The following KLKB1 variants were observed in gnomAD, a reference collection of about 807,000 sequenced individuals.
KLKB1 encodes the protein plasma kallikrein.
In KLKB1, 58 loss-of-function variants were observed where a neutral mutation model predicts 73.6. The ratio of observed to expected loss-of-function variants is 0.79; its 90% CI spans 0.64 to 0.98. The LOEUF (loss-of-function observed/expected upper bound fraction) is 0.98, where lower values mean the gene tolerates loss of function less well. Ranked by LOEUF, KLKB1 falls within the 50% of genes least tolerant of loss-of-function variation. KLKB1 has a pLI of 0.00. For synonymous variants in KLKB1, 280 were observed against 258.1 expected, an observed-to-expected ratio of 1.08 and a Z score of -0.81; for missense variants, 737 against 763.8, an observed-to-expected ratio of 0.96 and a Z score of 0.41.
intron 6 of KLKB1, among the ~76,000 whole-genome samples, chr4:186,241,706 T>G (rs1334765194): frequency 1.3e-5 from 2 of 152,344 alleles, no homozygotes; most frequent in South Asian, 2.1e-4. Flanking sequence ...TTTTTTATTT[T>G]TATCACCTCT....
At chr4:186,222,413 T>G (rs993409114), upstream of KLKB1, among the ~76,000 whole-genome samples, 1 of 152,210 alleles carries the variant, frequency 6.6e-6, no homozygotes, top group Non-Finnish European at 1.5e-5. Context: ...TTTCTCTTTA[T>G]GTTTTGTATA....
chr4:186,251,674 G>A, intron 9 of KLKB1, 25 bp downstream of exon 9: 1 of 1,611,684 alleles, frequency 6.2e-7, no homozygotes. Flanking sequence ...ATTTTTCAAA[G>A]ACAGTTGACA....
Position 186,252,102 on chromosome 4 carries a change from G to A in KLKB1, c.1230G>A (p.Val410=). 1 of 1,614,068 alleles carries A rather than the reference G, an allele frequency of 6.2e-7. No homozygotes were observed. The highest frequency in any genetic ancestry group is 8.5e-7 in the Non-Finnish European group (1 of 1,180,030). ...GGCCCTGGCAGGTGAGCCTGCAGGT[G>A]AAGCTGACAGCTCAGAGGCACCTGT... is the stretch of plus-strand genomic sequence containing the variant. ...GEWPWQVSLQ[V]KLTAQRHLCG... is the part of the protein sequence containing the mutation. Residue 410 remains valine, a synonymous_variant, in exon 11 of 15, where the codon GTG becomes GTA. Transcript: ENST00000264690.
intron 2 of KLKB1, among the ~76,000 whole-genome samples, chr4:186,216,854 T>C (rs1231418352): frequency 6.6e-6 from 1 of 152,206 alleles, no homozygotes; most frequent in Non-Finnish European, 1.5e-5. Flanking sequence ...AAAACTCTGC[T>C]TTTAATGGGC....
At chr4:186,230,017 G>A (rs576921667) in intron 2 of KLKB1, among the ~76,000 whole-genome samples, 13 of 152,142 alleles carry the variant, frequency 8.5e-5, no homozygotes, top group African/African-American at 2.9e-4. Flanking sequence ...GCTACTACGT[G>A]GAGCTTGAGA....
intron 5 of KLKB1, among the ~76,000 whole-genome samples, chr4:186,237,799 T>A (rs1421703859): frequency 6.6e-6 from 1 of 152,144 alleles, no homozygotes; most frequent in Non-Finnish European, 1.5e-5. Context: ...CTAAGCTATT[T>A]TTCAACGCCC....
intron 6 of KLKB1, among the ~76,000 whole-genome samples, chr4:186,240,765 C>A (rs1177417638): frequency 6.6e-6 from 1 of 152,156 alleles, no homozygotes; most frequent in Non-Finnish European, 1.5e-5. Flanking sequence ...GCCAGGTTCA[C>A]GTGTACTGGT....
At chr4:186,254,301 TAC>T (rs1314084183) in intron 11 of KLKB1, among the ~76,000 whole-genome samples, 1 of 152,248 alleles carries the variant, frequency 6.6e-6, no homozygotes, top group Non-Finnish European at 1.5e-5. Flanking sequence ...TTCTTCCCAC[TAC>T]AGTGTCTCTC....
intron 2 of KLKB1, among the ~76,000 whole-genome samples, chr4:186,218,360 A>T (rs953956380): frequency 6.6e-6 from 1 of 152,222 alleles, no homozygotes; most frequent in Non-Finnish European, 1.5e-5. Context: ...AATAAAAAAA[A>T]GTTCTGTTAG....
rs1739130994 is a variant in KLKB1, at chr4:186,258,326, A to G, written c.*114A>G. 1 of 951,068 alleles carries G rather than the reference A, an allele frequency of 1.1e-6. No individual in the cohort carries two copies. The highest frequency in any genetic ancestry group is 2.0e-5 in the Admixed American group (1 of 50,252). 58.9% of individuals were successfully genotyped at this position (951,068 alleles called of 1,614,324 possible). On this transcript the variant is annotated 3_prime_UTR_variant, in exon 15 of 15. Coordinates refer to ENST00000264690, the MANE Select transcript of KLKB1 (RefSeq NM_000892.5). ...GTGGCATCTTCTTTGCATCCTAAGG[A>G]CGAAAAACACAGTGCACTCAGAGCT...
chr4:186,217,146 A>C (rs943248987), intron 2 of KLKB1, among the ~76,000 whole-genome samples: 7 of 152,198 alleles, frequency 4.6e-5, no homozygotes, highest in African/African-American at 1.7e-4. Context: ...CTAGAATGTA[A>C]CATGTTTCAC....
At chr4:186,227,207 C>T (rs1012877965), upstream of KLKB1, among the ~76,000 whole-genome samples, 1 of 152,192 alleles carries the variant, frequency 6.6e-6, no homozygotes, top group Non-Finnish European at 1.5e-5. Flanking sequence ...TGTGTCTTTT[C>T]TTATTTCTGT....
At chr4:186,224,401 T>C (rs966782334), upstream of KLKB1, among the ~76,000 whole-genome samples, 4 of 152,342 alleles carry the variant, frequency 2.6e-5, no homozygotes, top group Admixed American at 6.5e-5. Context: ...GTAGGGGCTG[T>C]ACCCTGCAAA....
rs1360811639 is a variant in KLKB1 at position 186,236,848 on chromosome 4, C to G, written c.396C>G (p.Ser132Arg). ...RGVNFNVSKV[S>R]SVEECQKRCT... The stretch of plus-strand genomic sequence containing the variant: ...TCAATTTTAATGTGTCTAAGGTTAG[C>G]AGTGTTGAAGAATGCCAAAAAAGGT... Residue 132 changes from serine (S) to arginine (R), a missense_variant, in exon 5 of 15, where the codon AGC becomes AGG. Physicochemically the swap from Ser to Arg is moderately radical, Grantham distance 110 (BLOSUM62 -1). Transcript: ENST00000264690. The G allele has an allele frequency of 6.2e-7, 1 of 1,613,650 alleles. No homozygotes were observed. Among genetic ancestry groups the G allele is most frequent in the Non-Finnish European group, 8.5e-7 (1 of 1,179,788 alleles).
At chr4:186,216,930 G>A (rs1442926610) in intron 2 of KLKB1, among the ~76,000 whole-genome samples, 2 of 152,328 alleles carry the variant, frequency 1.3e-5, no homozygotes, top group Non-Finnish European at 2.9e-5. Context: ...CAAGTGTTTA[G>A]TAATCTTAAC....
chr4:186,252,091 A>G lies in KLKB1; in HGVS notation c.1219A>G (p.Ser407Gly), dbSNP rs1253739175. 9.9e-6 allele frequency: 16 copies of G among 1,614,032 alleles called. No individual in the cohort carries two copies. The highest frequency in any genetic ancestry group is 1.4e-5 in the Non-Finnish European group (16 of 1,180,008). Residue 407 changes from serine (S) to glycine (G), a missense_variant, in exon 11 of 15, where the codon AGC (serine) becomes GGC (glycine). By Grantham distance (56) the Ser-to-Gly change is moderately conservative. Coordinates refer to ENST00000264690, the MANE Select transcript of KLKB1 (RefSeq NM_000892.5). ...TTGGGGAGAGTGGCCCTGGCAGGTG[A>G]GCCTGCAGGTGAAGCTGACAGCTCA... ...SSWGEWPWQV[S>G]LQVKLTAQRH... is the part of the protein sequence containing the mutation.
intron 2 of KLKB1, among the ~76,000 whole-genome samples, chr4:186,219,094 C>T (rs1017060537): frequency 5.9e-5 from 9 of 152,140 alleles, no homozygotes; most frequent in Admixed American, 1.3e-4. Flanking sequence ...AGTCCTTCCA[C>T]GTTCCTCTGC....
At chr4:186,254,028 T>G (rs1336848954) in intron 11 of KLKB1, among the ~76,000 whole-genome samples, 2 of 152,158 alleles carry the variant, frequency 1.3e-5, no homozygotes, top group African/African-American at 4.8e-5. Flanking sequence ...AGACGAGGTT[T>G]CATCATGTTG....
chr4:186,233,718 A>G (rs1268032781), intron 3 of KLKB1, among the ~76,000 whole-genome samples: 2 of 152,254 alleles, frequency 1.3e-5, no homozygotes, highest in Non-Finnish European at 2.9e-5. Context: ...ACTCTTTAAT[A>G]TGGTTGATTT....
Sources: allele counts gnomAD v4.1 joint callset (sites outside exome capture counted in the v4.1 genomes callset), GRCh38; gene constraint gnomAD v4.1.1; transcripts MANE v1.5; gene names NCBI Gene and HGNC (gene_info 2026-07-23, HGNC 2026-07-21).